Variants in TGFA observed in about 807,000 individuals in gnomAD.
TGFA encodes protransforming growth factor alpha.
TGFA carries 12 observed loss-of-function variants against 21.7 expected under a neutral mutation model. That is an observed-to-expected ratio of 0.55 (90% CI 0.35 to 0.90). TGFA has a LOEUF of 0.90. TGFA is among the 40% of genes least tolerant of loss of function. The pLI is 0.01. For missense variants in TGFA, 178 were observed against 210.8 expected, an observed-to-expected ratio of 0.84 and a Z score of 0.96; for synonymous variants, 79 against 88.1, an observed-to-expected ratio of 0.90 and a Z score of 0.58.
chr2:70,463,452 C>T (rs750292461), intron 3 of TGFA, among the ~76,000 whole-genome samples: 5 of 152,138 alleles, frequency 3.3e-5, no homozygotes, highest in African/African-American at 9.7e-5. Context: ...CCCACCCCAG[C>T]GTTCAGAAGG....
chr2:70,503,582 TAA>T (rs1405451186), intron 2 of TGFA, among the ~76,000 whole-genome samples: 4 of 142,858 alleles, frequency 2.8e-5, no homozygotes, highest in African/African-American at 7.8e-5. Flanking sequence ...ATAATAATAA[TAA>T]AAAAAAAAAA....
At chr2:70,521,379 G>C (rs1553502235) in intron 1 of TGFA, among the ~76,000 whole-genome samples, 1 of 152,072 alleles carries the variant, frequency 6.6e-6, no homozygotes, top group Non-Finnish European at 1.5e-5. Context: ...TGGTGCCTTG[G>C]GTTCATGCTA....
At chr2:70,455,750 G>A (rs544365764) in intron 4 of TGFA, among the ~76,000 whole-genome samples, 1 of 152,144 alleles carries the variant, frequency 6.6e-6, no homozygotes, top group Non-Finnish European at 1.5e-5. Flanking sequence ...GGAGATGTGG[G>A]CAAGCAAATG....
chr2:70,450,726 G>T lies in TGFA; in HGVS notation c.*133C>A. ...ACAGAGTTTTGAAGGCCCACAAAAGGCTGCACAGGTGATTACAGGCCAAGT... is the reference window on the plus strand; with the variant it reads ...ACAGAGTTTTGAAGGCCCACAAAAGTCTGCACAGGTGATTACAGGCCAAGT... On this transcript the variant is annotated 3_prime_UTR_variant, in exon 6 of 6. Coordinates refer to ENST00000295400, the MANE Select transcript of TGFA (RefSeq NM_003236.4). 1.0e-6 allele frequency: 1 copy of T among 977,774 alleles called. No homozygotes were observed. Among genetic ancestry groups the T allele is most frequent in the Non-Finnish European group, 1.6e-6 (1 of 635,150 alleles). 60.6% of individuals were successfully genotyped at this position (977,774 alleles called of 1,614,324 possible). A position where few individuals can be genotyped will look rare whatever the true frequency, so the allele number is the denominator to read the frequency against.
intron 3 of TGFA, among the ~76,000 whole-genome samples, chr2:70,464,443 T>C (rs1204396735): frequency 2.0e-5 from 3 of 152,216 alleles, no homozygotes; most frequent in Non-Finnish European, 2.9e-5. Flanking sequence ...TTCATATGGA[T>C]CCATGACTCT....
chr2:70,468,883 C>T (rs949411163), intron 2 of TGFA, among the ~76,000 whole-genome samples: 3 of 152,120 alleles, frequency 2.0e-5, no homozygotes, highest in Non-Finnish European at 4.4e-5. Flanking sequence ...ATAAAGTACA[C>T]AATAAATGTA....
At chr2:70,533,318 C>A (rs937219372) in intron 1 of TGFA, among the ~76,000 whole-genome samples, 1 of 151,968 alleles carries the variant, frequency 6.6e-6, no homozygotes, top group South Asian at 2.1e-4. Flanking sequence ...TAAACCTTTT[C>A]CCCCTACCCC....
chr2:70,473,518 G>A (rs1670820460), intron 2 of TGFA, among the ~76,000 whole-genome samples: 1 of 151,820 alleles, frequency 6.6e-6, no homozygotes, highest in African/African-American at 2.4e-5. Flanking sequence ...ATCGACAGGG[G>A]CATTTCCTGG....
At chr2:70,533,918 GGTT>G (rs1201213592) in intron 1 of TGFA, among the ~76,000 whole-genome samples, 1 of 151,756 alleles carries the variant, frequency 6.6e-6, no homozygotes, top group African/African-American at 2.4e-5. Context: ...CTGTCTCACT[GGTT>G]GTTTTGTGTG....
In TGFA at chr2:70,491,615, C is replaced by T. The variant is rs542264709; in HGVS notation, c.94+23244G>A. Among the ~76,000 whole-genome samples the T allele has an allele frequency of 2.0e-4, 31 of 152,334 alleles. 1 individual carries two copies. Among genetic ancestry groups the T allele is most frequent in the African/African-American group, 7.5e-4 (31 of 41,574 alleles). ...TACAATGTCAAGTCTCCCTCTTACC[C>T]TGTTCCCAGCCAGCCATGCCCCTTC... is the stretch of plus-strand genomic sequence containing the variant. On this transcript the variant is annotated intron_variant, in intron 2 of 5. Transcript: ENST00000295400.
intron 1 of TGFA, among the ~76,000 whole-genome samples, chr2:70,534,231 C>T (rs539796207): frequency 1.2e-3 from 176 of 152,326 alleles, no homozygotes; most frequent in Middle Eastern, 3.4e-3. Flanking sequence ...TTCATGTCAT[C>T]GCTAAAGTTG....
At chr2:70,551,146 C>T (rs1230105407) in intron 1 of TGFA, among the ~76,000 whole-genome samples, 1 of 152,196 alleles carries the variant, frequency 6.6e-6, no homozygotes, top group Non-Finnish European at 1.5e-5. Context: ...ATATATTCAA[C>T]AACCCTATTA....
At chr2:70,528,290 T>C (rs781800513) in intron 1 of TGFA, among the ~76,000 whole-genome samples, 1 of 152,218 alleles carries the variant, frequency 6.6e-6, no homozygotes, top group Non-Finnish European at 1.5e-5. Flanking sequence ...CACATGTTAA[T>C]AACAGGGTCA....
intron 3 of TGFA, among the ~76,000 whole-genome samples, chr2:70,459,368 G>A (rs1391372725): frequency 6.6e-6 from 1 of 152,212 alleles, no homozygotes. Flanking sequence ...CTGTGAGGTT[G>A]CGACTATTAT....
At chr2:70,496,309 A>T (rs1574103458) in intron 2 of TGFA, among the ~76,000 whole-genome samples, 1 of 152,200 alleles carries the variant, frequency 6.6e-6, no homozygotes, top group African/African-American at 2.4e-5. Flanking sequence ...AGATCTCCAC[A>T]GCTCCCTCCA....
rs144060907 is a variant in TGFA, at chr2:70,526,140, C to A, written c.41-11228G>T. Among the ~76,000 whole-genome samples the A allele has an allele frequency of 2.8e-4, 43 of 152,300 alleles. No individual in the cohort carries two copies. The East Asian group carries it at 7.7e-3, about 27-fold the overall frequency. ...AGAAGGACCATGGTGATCCAACCTG[C>A]CCCATTTACCTGGAATGCTTTTTCC... On this transcript the variant is annotated intron_variant, in intron 1 of 5. Coordinates refer to ENST00000295400, the MANE Select transcript of TGFA (RefSeq NM_003236.4).
chr2:70,550,775 C>T lies in TGFA; in HGVS notation c.40+2953G>A, dbSNP rs1297387275. Among the ~76,000 whole-genome samples the T allele has an allele frequency of 2.0e-5, 3 of 152,258 alleles. No homozygotes were observed. In the South Asian group the frequency reaches 6.2e-4, roughly 32 times the overall value. On this transcript the variant is annotated intron_variant, in intron 1 of 5. Coordinates refer to ENST00000295400, the MANE Select transcript of TGFA (RefSeq NM_003236.4). ...GGCGGAGCTTGCAGTGAGCCGAGATCGCGCCACTGCACTCCAGCCTGGGAG... is the reference window on the plus strand; with the variant it reads ...GGCGGAGCTTGCAGTGAGCCGAGATTGCGCCACTGCACTCCAGCCTGGGAG...
chr2:70,507,245 C>T (rs977391936), intron 2 of TGFA, among the ~76,000 whole-genome samples: 13 of 152,232 alleles, frequency 8.5e-5, no homozygotes, highest in African/African-American at 3.1e-4. Flanking sequence ...GGCCAACAGA[C>T]CTGCAGGGCA....
At chr2:70,491,879 TA>T (rs1671449090) in intron 2 of TGFA, among the ~76,000 whole-genome samples, 1 of 152,174 alleles carries the variant, frequency 6.6e-6, no homozygotes, top group South Asian at 2.1e-4. Flanking sequence ...TAAGAGTGCA[TA>T]AAACCCACCA....
Sources: gnomAD v4.1 joint callset for allele counts (sites outside exome capture counted in the v4.1 genomes callset) on GRCh38, gnomAD v4.1.1 for gene constraint, MANE v1.5 for transcripts, NCBI Gene and HGNC (gene_info 2026-07-23, HGNC 2026-07-21) for gene names.